RGS3: variants seen among roughly 807,000 people sequenced by gnomAD.
RGS3 encodes the protein regulator of G protein signaling 3.
RGS3 carries 80 observed loss-of-function variants against 132.6 expected under a neutral mutation model. The ratio of observed to expected loss-of-function variants is 0.60; its 90% confidence interval spans 0.50 to 0.73. The LOEUF (loss-of-function observed/expected upper bound fraction) is 0.73, where lower values mean the gene tolerates loss of function less well. Among genes scored for constraint, RGS3 ranks in the 30% least tolerant of loss-of-function variants. RGS3 has a pLI of 0.00. For synonymous variants in RGS3, 598 were observed against 620.6 expected (o/e 0.96, Z 0.54); for missense variants, 1,382 against 1,530.8 (o/e 0.90, Z 1.62).
At chr9:113,593,761 G>T (rs1835568714) in intron 21 of RGS3, 1 of 678,772 alleles carries the variant, frequency 1.5e-6, no homozygotes, top group Non-Finnish European at 2.6e-6. Flanking sequence ...GCTGAATTCT[G>T]CTGCCTCCTT....
intron 6 of RGS3, among the ~76,000 whole-genome samples, chr9:113,484,933 A>G (rs1434585106): frequency 6.6e-6 from 1 of 152,222 alleles, no homozygotes; most frequent in East Asian, 1.9e-4. Flanking sequence ...AAACACCTAT[A>G]GCCCTCCTAC....
chr9:113,553,895 T>G (rs1833465272), intron 19 of RGS3, among the ~76,000 whole-genome samples: 1 of 152,212 alleles, frequency 6.6e-6, no homozygotes, highest in African/African-American at 2.4e-5. Flanking sequence ...CTCCCTCTAT[T>G]TTGAATAGCC....
At position 113,569,134 on chromosome 9, in the gene RGS3, T is replaced by TCC. The variant is rs1271829571; in HGVS notation, c.2038-14316_2038-14315insCC. On this transcript the variant is annotated intron_variant, in intron 19 of 24. Coordinates refer to ENST00000350696, the Ensembl canonical transcript of RGS3. Reference sequence around the variant, plus strand: ...GTGGCTCAGGCTGCTGCCGGAGAACTGTCAGCGGCTCCCAACTTAGAAAGG... The same window carrying TCC: ...GTGGCTCAGGCTGCTGCCGGAGAACTCCGTCAGCGGCTCCCAACTTAGAAAGG... 1.1e-3 allele frequency among the ~76,000 whole-genome samples: 162 copies of TCC among 152,292 alleles called. 2 individuals carry two copies. Among genetic ancestry groups the TCC allele is most frequent in the East Asian group, 3.7e-3 (19 of 5,186 alleles).
chr9:113,451,721 A>G (rs1386931101), intron 1 of RGS3, among the ~76,000 whole-genome samples: 1 of 151,510 alleles, frequency 6.6e-6, no homozygotes, highest in Non-Finnish European at 1.5e-5. Flanking sequence ...TCCTAGTTAT[A>G]CTGTTCTTTT....
intron 19 of RGS3, among the ~76,000 whole-genome samples, chr9:113,540,636 A>G (rs1472984116): frequency 1.3e-5 from 2 of 152,190 alleles, no homozygotes; most frequent in Non-Finnish European, 2.9e-5. Flanking sequence ...TTAGGATGAG[A>G]AGGGCAGACA....
rs113168188 is a variant in RGS3, at chr9:113,506,010, G to A, written c.980-378G>A. Among the ~76,000 whole-genome samples, 495 of 152,296 alleles carry A rather than the reference G, an allele frequency of 3.3e-3. 3 individuals are homozygous for A. Among genetic ancestry groups the A allele is most frequent in the African/African-American group, 0.011 (471 of 41,548 alleles). ...AGTGCCTACACAAGGGTGGGCATGAGGTTCGTGCACAATGATTGGCAGAGA... is the reference window on the plus strand; with the variant it reads ...AGTGCCTACACAAGGGTGGGCATGAAGTTCGTGCACAATGATTGGCAGAGA... On this transcript the variant is annotated intron_variant, in intron 11 of 24. Coordinates refer to ENST00000350696, the Ensembl canonical transcript of RGS3. This position sits in a 1 kb window ranked among gnomAD's most constrained non-coding sequence, Gnocchi z 4.7.
intron 17 of RGS3, among the ~76,000 whole-genome samples, chr9:113,526,404 G>C (rs1335926109): frequency 6.6e-6 from 1 of 152,204 alleles, no homozygotes. Context: ...TCATAGCCTG[G>C]TGGAATGCAG....
At chr9:113,486,011 A>T (rs1321435384) in intron 7 of RGS3, among the ~76,000 whole-genome samples, 1 of 152,238 alleles carries the variant, frequency 6.6e-6, no homozygotes, top group African/African-American at 2.4e-5. Context: ...CAGGCACTGC[A>T]TGGAGAGAAA....
chr9:113,501,904 G>A (rs1017758545), intron 10 of RGS3, among the ~76,000 whole-genome samples: 1 of 152,212 alleles, frequency 6.6e-6, no homozygotes, highest in Non-Finnish European at 1.5e-5. Flanking sequence ...GGGAGGGGCT[G>A]TGGGTGTGAG....
chr9:113,461,645 A>G, intron 1 of RGS3: 1 of 1,516,630 alleles, frequency 6.6e-7, no homozygotes, highest in African/African-American at 1.4e-5. Flanking sequence ...AAAGCAGTAG[A>G]ATCTTTGTTC....
At chr9:113,558,754 A>G (rs1588247892) in intron 19 of RGS3, among the ~76,000 whole-genome samples, 1 of 152,236 alleles carries the variant, frequency 6.6e-6, no homozygotes, top group Non-Finnish European at 1.5e-5. Context: ...GCTTGAGAAC[A>G]CCTGAGCTAG....
intron 10 of RGS3, chr9:113,501,643 C>A: frequency 6.4e-7 from 1 of 1,559,400 alleles, no homozygotes; most frequent in Non-Finnish European, 8.7e-7. Context: ...GGGTGCTTGG[C>A]CTCTTGTGGG....
intron 19 of RGS3, among the ~76,000 whole-genome samples, chr9:113,551,459 A>G (rs892804260): frequency 6.6e-6 from 1 of 152,212 alleles, no homozygotes; most frequent in African/African-American, 2.4e-5. Flanking sequence ...TTGTATGGAC[A>G]TATATTTTTC....
rs199932810 is a variant in RGS3, at chr9:113,565,915, GTC to G, written c.2038-17533_2038-17532del. Among the ~76,000 whole-genome samples the G allele has an allele frequency of 0.064, 8,522 of 133,896 alleles. 348 individuals carry two copies. Among genetic ancestry groups the G allele is most frequent in the East Asian group, 0.24 (1,066 of 4,394 alleles). 87.8% of individuals were successfully genotyped at this position (133,896 alleles called of 152,430 possible). On this transcript the variant is annotated intron_variant, in intron 19 of 24. Transcript: ENST00000350696. The surrounding 1 kb of genome is among the most constrained non-coding windows in gnomAD (Gnocchi z 5.7). ...TGTGTGTGTGTGTGTGTGTGTGTGT[GTC>G]TGTCTGTCTGTCTGTCTCAGGGGCT...
At chr9:113,560,191 G>C (rs1325099829) in intron 19 of RGS3, among the ~76,000 whole-genome samples, 2 of 152,226 alleles carry the variant, frequency 1.3e-5, no homozygotes. Context: ...GGGAGGGGAG[G>C]AGTAGGGCTG....
At chr9:113,502,562 G>A (rs1830948278) in intron 10 of RGS3, among the ~76,000 whole-genome samples, 2 of 152,210 alleles carry the variant, frequency 1.3e-5, no homozygotes, top group African/African-American at 2.4e-5. Flanking sequence ...CTGCCCTCAT[G>A]GGGCTGGGAA....
At chr9:113,553,513 A>C (rs1588241383) in intron 19 of RGS3, among the ~76,000 whole-genome samples, 1 of 132,772 alleles carries the variant, frequency 7.5e-6, no homozygotes, top group South Asian at 2.4e-4. Flanking sequence ...ATTATATATA[A>C]ATATATTATA....
At chr9:113,592,548 A>G (rs1268175056) in intron 21 of RGS3, 1 of 151,928 alleles carries the variant, frequency 6.6e-6, no homozygotes, top group Non-Finnish European at 1.5e-5. Context: ...CTGGAGTGCG[A>G]TCTTGGCTTG....
intron 3 of RGS3, among the ~76,000 whole-genome samples, chr9:113,464,220 G>C (rs1473126469): frequency 1.3e-5 from 2 of 152,252 alleles, no homozygotes; most frequent in African/African-American, 4.8e-5. Context: ...GTTAAATCAA[G>C]GTCTTGTTAT....
Sources: allele counts gnomAD v4.1 joint callset (sites outside exome capture counted in the v4.1 genomes callset), GRCh38; gene constraint gnomAD v4.1.1; non-coding constraint Gnocchi (gnomAD v3.1); transcripts MANE v1.5; gene names NCBI Gene and HGNC (gene_info 2026-07-23, HGNC 2026-07-21).